CNTNAP4: variants seen among roughly 807,000 people sequenced by gnomAD.
The protein encoded by CNTNAP4 is contactin-associated protein-like 4.
Under a neutral mutation model 148.4 loss-of-function variants are expected in CNTNAP4, and 98 were observed. The observed-to-expected ratio is 0.66, with a 90% confidence interval of 0.56 to 0.78. The LOEUF is 0.78. CNTNAP4 is among the 30% of genes least tolerant of loss of function. The pLI is 0.00. For synonymous variants in CNTNAP4, 730 were observed against 565.1 expected, an observed-to-expected ratio of 1.29 and a Z score of -4.14; for missense variants, 1,935 against 1,565.6, an observed-to-expected ratio of 1.24 and a Z score of -3.98.
intron 3 of CNTNAP4, among the ~76,000 whole-genome samples, chr16:76,363,504 A>G (rs1221280166): frequency 2.0e-5 from 3 of 152,212 alleles, no homozygotes; most frequent in Non-Finnish European, 4.4e-5. Context: ...AAAATGGGTT[A>G]AAGACTTAAA....
intron 9 of CNTNAP4, among the ~76,000 whole-genome samples, chr16:76,466,034 T>G (rs1243436345): frequency 2.0e-5 from 3 of 152,214 alleles, no homozygotes; most frequent in Non-Finnish European, 2.9e-5. Context: ...CTGACTCACT[T>G]CTTATTCTTT....
At chr16:76,347,644 A>G (rs1965019461) in intron 2 of CNTNAP4, among the ~76,000 whole-genome samples, 1 of 152,156 alleles carries the variant, frequency 6.6e-6, no homozygotes, top group South Asian at 2.1e-4. Flanking sequence ...TTCGAGCAAG[A>G]GACTTATAGG....
At chr16:76,433,310 T>C (rs779400783) in intron 4 of CNTNAP4, among the ~76,000 whole-genome samples, 14 of 152,100 alleles carry the variant, frequency 9.2e-5, no homozygotes, top group Non-Finnish European at 1.9e-4. Flanking sequence ...AGGGAGAAGA[T>C]TGGACATGAT....
At chr16:76,529,408 A>G (rs1188791046) in intron 17 of CNTNAP4, among the ~76,000 whole-genome samples, 1 of 152,218 alleles carries the variant, frequency 6.6e-6, no homozygotes, top group Non-Finnish European at 1.5e-5. Flanking sequence ...CACTGCTGTT[A>G]TCGTAGACTC....
At chr16:76,441,196 C>A (rs151210833) in intron 4 of CNTNAP4, among the ~76,000 whole-genome samples, 146 of 152,136 alleles carry the variant, frequency 9.6e-4, no homozygotes, top group African/African-American at 3.2e-3. Context: ...CCCCAATTGA[C>A]TATAAGCTCT....
chr16:76,301,070 T>C (rs974855970), intron 1 of CNTNAP4, among the ~76,000 whole-genome samples: 3 of 151,990 alleles, frequency 2.0e-5, no homozygotes, highest in Non-Finnish European at 4.4e-5. Context: ...CTTACAGACA[T>C]GAAAACAAAG....
At chr16:76,295,663 T>A (rs574894961) in intron 1 of CNTNAP4, among the ~76,000 whole-genome samples, 16 of 152,152 alleles carry the variant, frequency 1.1e-4, no homozygotes, top group South Asian at 2.1e-4. Context: ...TGACAGCACG[T>A]CATGGCTGTC....
Position 76,448,947 on chromosome 16 carries a change from A to G in CNTNAP4, c.923A>G (p.Tyr308Cys). The G allele has an allele frequency of 1.9e-6, 3 of 1,612,290 alleles. No individual in the cohort carries two copies. The highest frequency in any genetic ancestry group is 2.5e-6 in the Non-Finnish European group (3 of 1,178,826). Residue 308 changes from tyrosine (Y) to cysteine (C), a missense_variant, in exon 6 of 24, where the codon TAT becomes TGT. Physicochemically the swap from Tyr to Cys is radical, Grantham distance 194 (BLOSUM62 -2). Coordinates refer to ENST00000611870, the MANE Select transcript of CNTNAP4 (RefSeq NM_033401.5). The stretch of plus-strand genomic sequence containing the variant: ...GAATTCAATCTCATGAATCTTGATT[A>G]TGAGGTGTGATGGTTATGTTTCAAT... ...RGEFNLMNLDYEISFGGIPAP... is the reference protein window; with the variant it reads ...RGEFNLMNLDCEISFGGIPAP...
intron 21 of CNTNAP4, 116 bp from the exon 22 acceptor site, chr16:76,553,167 A>T (rs964565355): frequency 3.4e-6 from 2 of 594,630 alleles, no homozygotes; most frequent in African/African-American, 3.7e-5. Context: ...AGATAAAATT[A>T]AAAAGGAATT....
intron 3 of CNTNAP4, among the ~76,000 whole-genome samples, chr16:76,418,519 A>G (rs905704928): frequency 6.6e-6 from 1 of 151,440 alleles, no homozygotes; most frequent in Admixed American, 6.6e-5. Flanking sequence ...CTGTTCCAGC[A>G]TTTTTAATTT....
chr16:76,309,753 G>T (rs910117423), intron 1 of CNTNAP4: 1 of 670,998 alleles, frequency 1.5e-6, no homozygotes, highest in South Asian at 1.6e-5. Context: ...GGGTTTGGGC[G>T]GAGGGGGTGG....
chr16:76,506,310 G>T (rs2082831730), intron 15 of CNTNAP4, among the ~76,000 whole-genome samples: 1 of 93,624 alleles, frequency 1.1e-5, no homozygotes, highest in Non-Finnish European at 3.0e-5. Flanking sequence ...CCTTATCCCA[G>T]AGACTGTGAT....
intron 3 of CNTNAP4, among the ~76,000 whole-genome samples, chr16:76,393,576 T>A (rs1052303775): frequency 4.6e-5 from 7 of 151,834 alleles, no homozygotes; most frequent in African/African-American, 1.2e-4. Flanking sequence ...TGAATGGAGA[T>A]CCTTGTGACC....
intron 4 of CNTNAP4, among the ~76,000 whole-genome samples, chr16:76,430,059 G>A (rs2079555230): frequency 6.6e-6 from 1 of 152,092 alleles, no homozygotes; most frequent in African/African-American, 2.4e-5. Context: ...AGTACCTTAT[G>A]GGAATGTATT....
At position 76,462,126 on chromosome 16, in the gene CNTNAP4, CTA is replaced by C. The variant is rs752805927; in HGVS notation, c.1483+23_1483+24del. ...TGGAGGTAAGAATAGGTGCCAGGCT[CTA>C]TGAGCAACTGAACCATATTTGCATT... On this transcript the variant is annotated intron_variant, in intron 9 of 23. Coordinates refer to ENST00000611870, the MANE Select transcript of CNTNAP4 (RefSeq NM_033401.5). The C allele has an allele frequency of 4.4e-6, 7 of 1,597,112 alleles. No homozygotes were observed. The African/African-American group carries it at 8.0e-5, about 18-fold the overall frequency.
intron 2 of CNTNAP4, among the ~76,000 whole-genome samples, chr16:76,351,375 A>C (rs1166361700): frequency 6.6e-6 from 1 of 152,154 alleles, no homozygotes; most frequent in African/African-American, 2.4e-5. Context: ...AAAAAAAAAA[A>C]AATTCTGCAA....
chr16:76,395,982 G>C (rs2078189767), intron 3 of CNTNAP4, among the ~76,000 whole-genome samples: 1 of 152,156 alleles, frequency 6.6e-6, no homozygotes, highest in Admixed American at 6.5e-5. Context: ...GCTGGCCTCA[G>C]CCTCCCAAAA....
At chr16:76,337,560 T>C (rs9934378) in intron 2 of CNTNAP4, among the ~76,000 whole-genome samples, 1,999 of 152,268 alleles carry the variant, frequency 0.013, 37 homozygotes, top group African/African-American at 0.045. Context: ...ATTAGAATTA[T>C]TGATGAGGTT....
intron 16 of CNTNAP4, among the ~76,000 whole-genome samples, chr16:76,521,712 C>T (rs546728095): frequency 3.3e-5 from 5 of 152,084 alleles, no homozygotes; most frequent in East Asian, 1.9e-4. Flanking sequence ...GTTATTTTTA[C>T]GTACAATGCC....
Sources: gnomAD v4.1 joint callset for allele counts (sites outside exome capture counted in the v4.1 genomes callset) on GRCh38, gnomAD v4.1.1 for gene constraint, MANE v1.5 for transcripts, NCBI Gene and HGNC (gene_info 2026-07-23, HGNC 2026-07-21) for gene names.